DYTN: variants seen among roughly 807,000 people sequenced by gnomAD.
The protein encoded by DYTN is dystrotelin.
In DYTN, 75 loss-of-function variants were observed where a neutral mutation model predicts 69.6. That is an observed-to-expected ratio of 1.08 (90% CI 0.89 to 1.31). The LOEUF (loss-of-function observed/expected upper bound fraction) is 1.31. DYTN is among the 50% of genes most tolerant of loss of function. The probability of loss-of-function intolerance (pLI) is 0.00; values close to 1 mark genes in which losing one functional copy is unlikely to be tolerated. For synonymous variants in DYTN, 252 were observed against 249.1 expected, an observed-to-expected ratio of 1.01 and a Z score of -0.11; for missense variants, 726 against 688.4, an observed-to-expected ratio of 1.05 and a Z score of -0.61.
At chr2:206,679,209 A>G (rs1454771485) in intron 9 of DYTN, 1 of 152,198 alleles carries the variant, frequency 6.6e-6, no homozygotes, top group Non-Finnish European at 1.5e-5. Flanking sequence ...GCAACTTTTA[A>G]TTATCAGGTA....
intron 9 of DYTN, among the ~76,000 whole-genome samples, chr2:206,683,260 T>C (rs777331252): frequency 5.3e-5 from 8 of 152,016 alleles, no homozygotes; most frequent in Non-Finnish European, 1.0e-4. Flanking sequence ...TCCTCCAATG[T>C]TTCCCCAGAG....
intron 9 of DYTN, among the ~76,000 whole-genome samples, chr2:206,688,682 A>G (rs1699836436): frequency 6.6e-6 from 1 of 152,242 alleles, no homozygotes; most frequent in African/African-American, 2.4e-5. Context: ...TCTGCAAATA[A>G]CAAAAATCAG....
intron 1 of DYTN, among the ~76,000 whole-genome samples, chr2:206,717,222 G>T (rs1700138525): frequency 6.6e-6 from 1 of 152,164 alleles, no homozygotes; most frequent in South Asian, 2.1e-4. Context: ...AATATCTTTT[G>T]ACCAGGATTC....
intron 7 of DYTN, among the ~76,000 whole-genome samples, chr2:206,696,843 T>C (rs1214299760): frequency 6.6e-6 from 1 of 152,154 alleles, no homozygotes; most frequent in Admixed American, 6.5e-5. Flanking sequence ...AATTGAAAAC[T>C]TAAGCTCACT....
At chr2:206,714,063 AT>A (rs1163209081) in intron 1 of DYTN, among the ~76,000 whole-genome samples, 2 of 152,260 alleles carry the variant, frequency 1.3e-5, no homozygotes, top group East Asian at 3.9e-4. Context: ...GGTGACATTC[AT>A]TTTTGTCTCG....
chr2:206,709,608 CTACATTCACATA>C (rs899193337), intron 2 of DYTN, among the ~76,000 whole-genome samples: 20 of 152,246 alleles, frequency 1.3e-4, no homozygotes, highest in Admixed American at 6.5e-4. Flanking sequence ...TTGCCCTACC[CTACATTCACATA>C]TATTTTGTGA....
intron 9 of DYTN, among the ~76,000 whole-genome samples, chr2:206,671,150 C>T (rs1330217347): frequency 2.6e-5 from 4 of 152,146 alleles, no homozygotes; most frequent in African/African-American, 7.2e-5. Flanking sequence ...GCTCCTGGGG[C>T]ACCATGTTCC....
chr2:206,671,297 T>C (rs1353390864), intron 9 of DYTN, among the ~76,000 whole-genome samples: 2 of 152,172 alleles, frequency 1.3e-5, no homozygotes, highest in Admixed American at 6.5e-5. Context: ...TTAGGAACAT[T>C]GTTGCACAGG....
intron 9 of DYTN, among the ~76,000 whole-genome samples, chr2:206,672,904 C>T (rs1699644960): frequency 6.6e-6 from 1 of 152,178 alleles, no homozygotes; most frequent in African/African-American, 2.4e-5. Flanking sequence ...TTCACTCCCC[C>T]ATCTTATTTT....
chr2:206,658,082 T>C (rs1699469508), intron 11 of DYTN, among the ~76,000 whole-genome samples: 2 of 152,126 alleles, frequency 1.3e-5, no homozygotes, highest in South Asian at 2.1e-4. Context: ...TAATTTCAAA[T>C]GATCTGTCTT....
intron 7 of DYTN, among the ~76,000 whole-genome samples, chr2:206,698,481 T>C (rs758493163): frequency 1.3e-5 from 2 of 152,176 alleles, no homozygotes; most frequent in African/African-American, 2.4e-5. Context: ...CCCCTTCTCC[T>C]TCCGGGAACC....
chr2:206,709,018 G>T (rs952411225), intron 2 of DYTN, among the ~76,000 whole-genome samples: 2 of 151,866 alleles, frequency 1.3e-5, no homozygotes, highest in Non-Finnish European at 2.9e-5. Flanking sequence ...CATAATTGGG[G>T]GTAAATTTTT....
chr2:206,659,162 CTCTTTTTTTT>C (rs1699479924), intron 11 of DYTN, among the ~76,000 whole-genome samples: 1 of 123,522 alleles, frequency 8.1e-6, no homozygotes, highest in Non-Finnish European at 1.6e-5. Context: ...TTCTCACAGT[CTCTTTTTTTT>C]TTTTTTTTTT....
At chr2:206,672,268 T>C (rs1699637759) in intron 9 of DYTN, among the ~76,000 whole-genome samples, 1 of 152,150 alleles carries the variant, frequency 6.6e-6, no homozygotes, top group South Asian at 2.1e-4. Context: ...ATACCTAAGA[T>C]AGGATGTAGC....
intron 1 of DYTN, among the ~76,000 whole-genome samples, chr2:206,717,133 A>C (rs948726154): frequency 6.6e-6 from 1 of 152,150 alleles, no homozygotes; most frequent in African/African-American, 2.4e-5. Context: ...AAAGCTATGA[A>C]CAAAGCAGTT....
chr2:206,708,080 C>T (rs1334218952), intron 2 of DYTN, among the ~76,000 whole-genome samples: 6 of 152,126 alleles, frequency 3.9e-5, no homozygotes, highest in African/African-American at 1.4e-4. Context: ...CTCAGTAATA[C>T]CACTGTTAAC....
At chr2:206,667,577 T>A (rs1235499001) in intron 9 of DYTN, among the ~76,000 whole-genome samples, 5 of 152,204 alleles carry the variant, frequency 3.3e-5, no homozygotes, top group Admixed American at 2.0e-4. Context: ...CCTTCAAATT[T>A]CTAGACAGCC....
At chr2:206,717,881 T>C (rs16824786) in intron 1 of DYTN, among the ~76,000 whole-genome samples, 36,534 of 152,140 alleles carry the variant, frequency 0.24, 4,685 homozygotes, top group African/African-American at 0.32. Flanking sequence ...CAACTTGAAC[T>C]ACACAGTACT....
At chr2:206,713,350 T>A (rs1466918709) in intron 1 of DYTN, among the ~76,000 whole-genome samples, 1 of 152,186 alleles carries the variant, frequency 6.6e-6, no homozygotes, top group Non-Finnish European at 1.5e-5. Context: ...GGTTATTAAT[T>A]TTATAAGGTA....
Sources: gnomAD v4.1 joint callset for allele counts (sites outside exome capture counted in the v4.1 genomes callset) on GRCh38, gnomAD v4.1.1 for gene constraint, MANE v1.5 for transcripts, NCBI Gene and HGNC (gene_info 2026-07-23, HGNC 2026-07-21) for gene names.